Variants in ELAVL4 observed in about 807,000 individuals in gnomAD.
ELAVL4 encodes the protein ELAV like RNA binding protein 4, also known as ELAV-like protein 4.
ELAVL4 carries 1 observed loss-of-function variant against 35.6 expected under a neutral mutation model. The ratio of observed to expected loss-of-function variants is 0.03; its 90% CI spans 0.01 to 0.13. ELAVL4 has a LOEUF of 0.13. ELAVL4 is among the 10% of genes least tolerant of loss of function. ELAVL4 has a pLI of 1.00. For missense variants in ELAVL4, 267 were observed against 464.9 expected, an observed-to-expected ratio of 0.57 and a Z score of 3.91; for synonymous variants, 156 against 171.0, an observed-to-expected ratio of 0.91 and a Z score of 0.69.
In ELAVL4 at chr1:50,193,755, C is replaced by G; in HGVS notation, c.355-10C>G. 2 of 1,611,172 alleles carry G rather than the reference C, an allele frequency of 1.2e-6. No homozygotes were observed. The highest frequency in any genetic ancestry group is 2.2e-5 in the South Asian group (2 of 90,598). On this transcript the variant is annotated splice_polypyrimidine_tract_variant and intron_variant, in intron 3 of 6. Coordinates refer to ENST00000371824, the MANE Select transcript of ELAVL4 (RefSeq NM_001144774.3). Reference sequence around the variant, plus strand: ...CTATAATGGAATTAGCTCCTCTTGCCTTTTCCTAGGTCTCATATGCCCGTC... The same window carrying G: ...CTATAATGGAATTAGCTCCTCTTGCGTTTTCCTAGGTCTCATATGCCCGTC...
intron 1 of ELAVL4, among the ~76,000 whole-genome samples, chr1:50,075,005 G>A (rs954411062): frequency 3.9e-5 from 6 of 152,180 alleles, no homozygotes; most frequent in African/African-American, 1.4e-4. Flanking sequence ...TTCTATGAAG[G>A]AAATGAATTA....
intron 1 of ELAVL4, among the ~76,000 whole-genome samples, chr1:50,134,346 T>C (rs1011523763): frequency 6.6e-6 from 1 of 152,158 alleles, no homozygotes; most frequent in Admixed American, 6.6e-5. Flanking sequence ...TTGTGGGCAG[T>C]TTTTCAAATG....
intron 1 of ELAVL4, among the ~76,000 whole-genome samples, chr1:50,050,990 A>G (rs1281522111): frequency 1.3e-5 from 2 of 152,176 alleles, no homozygotes; most frequent in African/African-American, 4.8e-5. Context: ...GGGCAGAATC[A>G]ACACTATATA....
At chr1:50,136,845 A>G (rs1424068252) in intron 1 of ELAVL4, among the ~76,000 whole-genome samples, 1 of 152,156 alleles carries the variant, frequency 6.6e-6, no homozygotes, top group Non-Finnish European at 1.5e-5. Flanking sequence ...GGAGTTAAGG[A>G]CTGCCAAAAG....
chr1:50,123,071 A>G lies in ELAVL4; in HGVS notation c.9+13873A>G, dbSNP rs1384477783. ...ACTCCCACCACCTGCACAGGTCACT[A>G]TTGATAGGATGCAGCACTCTACAGT... On this transcript the variant is annotated intron_variant, in intron 1 of 6. Transcript: ENST00000371824. 2.6e-5 allele frequency among the ~76,000 whole-genome samples: 4 copies of G among 152,204 alleles called. No homozygotes were observed. In the East Asian group the frequency reaches 7.8e-4, roughly 30 times the overall value.
chr1:50,173,964 A>G (rs920330974), intron 2 of ELAVL4, among the ~76,000 whole-genome samples: 1 of 152,234 alleles, frequency 6.6e-6, no homozygotes, highest in African/African-American at 2.4e-5. Context: ...TCCCCATAGA[A>G]AAAGTGTTGC....
At chr1:50,125,504 A>T (rs1221038390) in intron 1 of ELAVL4, among the ~76,000 whole-genome samples, 2 of 151,958 alleles carry the variant, frequency 1.3e-5, no homozygotes, top group East Asian at 1.9e-4. Flanking sequence ...CCTGACCTGC[A>T]TGTGGTGTAA....
intron 2 of ELAVL4, among the ~76,000 whole-genome samples, chr1:50,171,921 C>T (rs566259893): frequency 1.3e-5 from 2 of 152,314 alleles, no homozygotes; most frequent in South Asian, 4.1e-4. Flanking sequence ...GGGATTTTAT[C>T]ATGCACTTTC....
At chr1:50,129,066 C>T (rs754677609) in intron 1 of ELAVL4, among the ~76,000 whole-genome samples, 10 of 151,892 alleles carry the variant, frequency 6.6e-5, no homozygotes, top group Non-Finnish European at 1.2e-4. Context: ...TCCTCTGAGT[C>T]CAGCATGTAA....
intron 1 of ELAVL4, among the ~76,000 whole-genome samples, chr1:50,121,086 AG>A (rs1466838924): frequency 1.3e-5 from 2 of 152,034 alleles, no homozygotes. Flanking sequence ...TTATTGAATT[AG>A]GTTGTCATAA....
chr1:50,155,029 A>G (rs2148728458), intron 2 of ELAVL4, among the ~76,000 whole-genome samples: 1 of 151,678 alleles, frequency 6.6e-6, no homozygotes, highest in Non-Finnish European at 1.5e-5. Flanking sequence ...CTTTTTTTTT[A>G]ATTATTATTA....
intron 1 of ELAVL4, among the ~76,000 whole-genome samples, chr1:50,120,075 A>AT (rs1240139396): frequency 4.6e-5 from 7 of 151,356 alleles, no homozygotes; most frequent in African/African-American, 1.7e-4. Context: ...ATATATATAT[A>AT]TATAGCATGT....
Position 50,200,861 on chromosome 1 carries a change from A to G in ELAVL4, c.784A>G (p.Ile262Val), listed in dbSNP as rs199787012. The change falls in exon 7 of 7, where the codon ATT becomes GTT. Residue 262 changes from isoleucine to valine, a missense_variant. This residue lies in a region of ELAVL4 where 216 missense variants were observed against 409.5 expected (regional missense o/e 0.53). Transcript: ENST00000371824. ...MAYGVKRFSPITIDGMTSLVG... is the reference protein window; with the variant it reads ...MAYGVKRFSPVTIDGMTSLVG... ...TGCTTGTCCCCCCAGGTTCTCCCCA[A>G]TTACCATTGATGGAATGACAAGCCT... 137 of 1,613,640 alleles carry G rather than the reference A, an allele frequency of 8.5e-5. No homozygotes were observed. The highest frequency in any genetic ancestry group is 1.1e-4 in the Non-Finnish European group (129 of 1,179,874).
chr1:50,105,578 A>C (rs1295108118), upstream of ELAVL4: 1 of 152,216 alleles, frequency 6.6e-6, no homozygotes, highest in African/African-American at 2.4e-5. Context: ...AAAAAAAGAA[A>C]TCTTTTAAGA....
intron 1 of ELAVL4, among the ~76,000 whole-genome samples, chr1:50,080,324 A>AC (rs1664950771): frequency 6.6e-6 from 1 of 152,278 alleles, no homozygotes; most frequent in East Asian, 1.9e-4. Flanking sequence ...AAAGATCAAG[A>AC]ATATTGAGCA....
intron 1 of ELAVL4, among the ~76,000 whole-genome samples, chr1:50,067,248 T>G (rs1664307134): frequency 6.6e-6 from 1 of 152,202 alleles, no homozygotes; most frequent in Non-Finnish European, 1.5e-5. Context: ...GTTAAAATGG[T>G]CCTTTACTTT....
intron 1 of ELAVL4, among the ~76,000 whole-genome samples, chr1:50,123,943 T>C (rs1032409365): frequency 2.3e-4 from 35 of 152,140 alleles, no homozygotes; most frequent in Admixed American, 6.5e-5. Flanking sequence ...TGTTTATTTT[T>C]CTAGGTTTCA....
At chr1:50,184,340 TG>T (rs1681502467) in intron 3 of ELAVL4, among the ~76,000 whole-genome samples, 1 of 149,306 alleles carries the variant, frequency 6.7e-6, no homozygotes, top group Non-Finnish European at 1.5e-5. Flanking sequence ...GAATGGGGTC[TG>T]GGGGCTTTAG....
intron 1 of ELAVL4, among the ~76,000 whole-genome samples, chr1:50,077,960 A>T (rs1175715022): frequency 6.6e-6 from 1 of 152,102 alleles, no homozygotes; most frequent in Admixed American, 6.6e-5. Flanking sequence ...CCAGACTTCC[A>T]TGGTTTCAAT....
Sources: allele counts gnomAD v4.1 joint callset (sites outside exome capture counted in the v4.1 genomes callset), GRCh38; gene constraint gnomAD v4.1.1; regional missense constraint gnomAD v4.1.1; transcripts MANE v1.5; gene names NCBI Gene and HGNC (gene_info 2026-07-23, HGNC 2026-07-21).